KCNAB2: variants seen among roughly 807,000 people sequenced by gnomAD.
KCNAB2 encodes voltage-gated potassium channel subunit beta-2.
In KCNAB2, 29 loss-of-function variants were observed where a neutral mutation model predicts 63.6. That is an observed-to-expected ratio of 0.46 (90% CI 0.34 to 0.62). The LOEUF is 0.62. KCNAB2 is among the 20% of genes least tolerant of loss of function. The pLI, the probability that KCNAB2 is intolerant of heterozygous loss-of-function variation, is 0.01. For synonymous variants in KCNAB2, 222 were observed against 224.2 expected (o/e 0.99, Z 0.09); for missense variants, 359 against 563.9 (o/e 0.64, Z 3.68).
chr1:6,088,795 C>T (rs1664924915), intron 7 of KCNAB2, among the ~76,000 whole-genome samples: 1 of 151,700 alleles, frequency 6.6e-6, no homozygotes, highest in Non-Finnish European at 1.5e-5. Context: ...CTGCTGCCCC[C>T]CTCCCCTCTG....
rs1659329474 is a variant in KCNAB2, at chr1:6,028,144, G to A, written c.-52-12373G>A. ...CCCAGTGCACTCAGAGTCAGCACCTGCCTTCGTTGCAGCATTGACCCTCTG... is the reference window on the plus strand; with the variant it reads ...CCCAGTGCACTCAGAGTCAGCACCTACCTTCGTTGCAGCATTGACCCTCTG... On this transcript the variant is annotated intron_variant, in intron 1 of 16. Transcript: ENST00000341524. This position sits in a 1 kb window ranked among gnomAD's most constrained non-coding sequence, Gnocchi z 4.0. Among the ~76,000 whole-genome samples, 1 of 152,208 alleles carries A rather than the reference G, an allele frequency of 6.6e-6. No homozygotes were observed. Among genetic ancestry groups the A allele is most frequent in the African/African-American group, 2.4e-5 (1 of 41,446 alleles).
At position 6,072,807 on chromosome 1, in the gene KCNAB2, G is replaced by A. The variant is rs1470074843; in HGVS notation, c.262+9G>A. The A allele has an allele frequency of 1.9e-6, 3 of 1,613,534 alleles. No individual in the cohort carries two copies. Among genetic ancestry groups the A allele is most frequent in the Non-Finnish European group, 2.5e-6 (3 of 1,179,572 alleles). ...CTCCTGCCTGGGACTTGGTGAGTGTGGGGGTCCCCTCCGTCCCACCAGGGA... is the reference window on the plus strand; with the variant it reads ...CTCCTGCCTGGGACTTGGTGAGTGTAGGGGTCCCCTCCGTCCCACCAGGGA... On this transcript the variant is annotated intron_variant, in intron 3 of 15. Transcript: ENST00000378083.
At position 6,074,185 on chromosome 1, in the gene KCNAB2, C is replaced by T. The variant is rs1663470174; in HGVS notation, c.300+415C>T. Among the ~76,000 whole-genome samples, 1 of 152,256 alleles carries T rather than the reference C, an allele frequency of 6.6e-6. No homozygotes were observed. Among genetic ancestry groups the T allele is most frequent in the African/African-American group, 2.4e-5 (1 of 41,466 alleles). On this transcript the variant is annotated intron_variant, in intron 4 of 15. Coordinates refer to ENST00000378083, the MANE Select transcript of KCNAB2 (RefSeq NM_001199862.2). The surrounding 1 kb of genome is among the most constrained non-coding windows in gnomAD (Gnocchi z 4.9). The stretch of plus-strand genomic sequence containing the variant: ...CTGTCTGTCTTGGTCATTGGGAATG[C>T]AGCCCCTGCAGTGTCACAAGCTGAA...
At chr1:6,061,886 G>A (rs1248041923) in intron 2 of KCNAB2, among the ~76,000 whole-genome samples, 1 of 152,124 alleles carries the variant, frequency 6.6e-6, no homozygotes, top group Non-Finnish European at 1.5e-5. Flanking sequence ...GAAAATAAGG[G>A]TAGGTCAGTA....
chr1:6,042,713 A>G (rs1322394794), upstream of KCNAB2, among the ~76,000 whole-genome samples: 1 of 152,110 alleles, frequency 6.6e-6, no homozygotes, highest in Non-Finnish European at 1.5e-5. Flanking sequence ...TCAGGCCGGG[A>G]GGTCTCTCTA....
intron 1 of KCNAB2, among the ~76,000 whole-genome samples, chr1:6,049,688 C>T (rs1380955171): frequency 6.6e-6 from 1 of 152,218 alleles, no homozygotes; most frequent in Non-Finnish European, 1.5e-5. Context: ...CTCGGGGGCT[C>T]CTTGCCTGCT....
intron 8 of KCNAB2, among the ~76,000 whole-genome samples, chr1:6,090,105 G>A (rs1430115728): frequency 6.6e-6 from 1 of 152,262 alleles, no homozygotes; most frequent in Non-Finnish European, 1.5e-5. Flanking sequence ...GGCCTCAGAG[G>A]AGGGTATATT....
At chr1:6,083,419 C>CT (rs1281657980) in intron 5 of KCNAB2, among the ~76,000 whole-genome samples, 1 of 152,210 alleles carries the variant, frequency 6.6e-6, no homozygotes, top group Non-Finnish European at 1.5e-5. Context: ...ACTCCGTCCT[C>CT]TGTCACTCGC....
At chr1:6,005,543 T>TC (rs1395587449) in intron 1 of KCNAB2, among the ~76,000 whole-genome samples, 2 of 149,360 alleles carry the variant, frequency 1.3e-5, no homozygotes, top group Admixed American at 6.6e-5. Context: ...CGACTGAGGG[T>TC]CCCCCCTACC....
At chr1:6,059,262 C>T (rs1463415457) in intron 2 of KCNAB2, among the ~76,000 whole-genome samples, 2 of 152,160 alleles carry the variant, frequency 1.3e-5, no homozygotes, top group African/African-American at 4.8e-5. Flanking sequence ...GCAATCATAG[C>T]TCACTGCAGC....
At chr1:6,042,987 T>C (rs3789565), upstream of KCNAB2, among the ~76,000 whole-genome samples, 1 of 151,926 alleles carries the variant, frequency 6.6e-6, no homozygotes, top group South Asian at 2.1e-4. Flanking sequence ...AACTCTTAGA[T>C]CCTACTGAAA....
At position 5,994,304 on chromosome 1, in the gene KCNAB2, C is replaced by T. The variant is rs765874544; in HGVS notation, c.-53+1516C>T. Among the ~76,000 whole-genome samples, 2 of 152,244 alleles carry T rather than the reference C, an allele frequency of 1.3e-5. No homozygotes were observed. The highest frequency in any genetic ancestry group is 2.9e-5 in the Non-Finnish European group (2 of 68,048). On this transcript the variant is annotated intron_variant, in intron 1 of 16. Transcript: ENST00000341524. This position sits in a 1 kb window ranked among gnomAD's most constrained non-coding sequence, Gnocchi z 5.4. ...GGGACCTACGTGTGGAGAGTCACAT[C>T]TGCCCACCTGATTCTCGCCTGGCGG...
At chr1:6,061,825 TCTG>T (rs1175287391) in intron 2 of KCNAB2, among the ~76,000 whole-genome samples, 12 of 152,216 alleles carry the variant, frequency 7.9e-5, no homozygotes, top group Admixed American at 7.9e-4. Flanking sequence ...GTTAAATTAA[TCTG>T]CTACCATGAA....
chr1:6,091,429 G>A, intron 10 of KCNAB2, 122 bp downstream of exon 10: 2 of 735,170 alleles, frequency 2.7e-6, no homozygotes, highest in Non-Finnish European at 4.5e-6. Context: ...TGCATAAAGA[G>A]GGGAAAGAGC....
At position 6,048,339 on chromosome 1, in the gene KCNAB2, C is replaced by T. The variant is rs183350895; in HGVS notation, c.-27+2156C>T. 4.0e-3 allele frequency among the ~76,000 whole-genome samples: 603 copies of T among 152,314 alleles called. 3 individuals carry two copies. Among genetic ancestry groups the T allele is most frequent in the African/African-American group, 0.014 (570 of 41,580 alleles). ...CCCCCAACAGACTGTCTTCTGGCTG[C>T]GTCACCAACTCCCACCCAGTTGTCC... On this transcript the variant is annotated intron_variant, in intron 1 of 15. Coordinates refer to ENST00000378083, the MANE Select transcript of KCNAB2 (RefSeq NM_001199862.2).
chr1:6,085,319 C>T (rs2294935), intron 6 of KCNAB2, 71 bp downstream of exon 6: 144,018 of 1,420,176 alleles, frequency 0.1, 7,997 homozygotes, highest in East Asian at 0.17. Flanking sequence ...TCAGCCTCGT[C>T]GGCCTGTCGT....
Position 6,078,881 on chromosome 1 carries a change from C to T in KCNAB2, c.301-3314C>T, listed in dbSNP as rs1004860847. ...CATGCTGATGCTGGCCCATGGACCA[C>T]GCTTTGCCTGGGGAAGGTGCAGGGA... On this transcript the variant is annotated intron_variant, in intron 4 of 15. Transcript: ENST00000378083. This position sits in a 1 kb window ranked among gnomAD's most constrained non-coding sequence, Gnocchi z 4.2. Among the ~76,000 whole-genome samples the T allele has an allele frequency of 2.0e-5, 3 of 152,106 alleles. No individual in the cohort carries two copies. Among genetic ancestry groups the T allele is most frequent in the African/African-American group, 7.2e-5 (3 of 41,410 alleles).
chr1:6,030,563 ATGTG>A (rs1022518608), upstream of KCNAB2, among the ~76,000 whole-genome samples: 7 of 149,240 alleles, frequency 4.7e-5, no homozygotes, highest in Non-Finnish European at 7.4e-5. Context: ...GTGTATGTCT[ATGTG>A]TGTATGTGTG....
intron 1 of KCNAB2, among the ~76,000 whole-genome samples, chr1:6,037,872 C>CTTT (rs1210270485): frequency 2.0e-4 from 23 of 117,612 alleles, no homozygotes; most frequent in African/African-American, 3.5e-4. Context: ...GAATGAGGGT[C>CTTT]TTTTTTTTTT....
Sources: allele counts gnomAD v4.1 joint callset (sites outside exome capture counted in the v4.1 genomes callset), GRCh38; gene constraint gnomAD v4.1.1; non-coding constraint Gnocchi (gnomAD v3.1); transcripts MANE v1.5; gene names NCBI Gene and HGNC (gene_info 2026-07-23, HGNC 2026-07-21).